RGS8: variants seen among roughly 807,000 people sequenced by gnomAD.
RGS8 encodes regulator of G protein signaling 8.
RGS8 carries 8 observed loss-of-function variants against 21.7 expected under a neutral mutation model. The ratio of observed to expected loss-of-function variants is 0.37; its 90% CI spans 0.22 to 0.66. The LOEUF is 0.66. Among genes scored for constraint, RGS8 ranks in the 30% least tolerant of loss-of-function variants. The pLI, the probability that RGS8 is intolerant of heterozygous loss-of-function variation, is 0.59. For synonymous variants in RGS8, 80 were observed against 83.6 expected (o/e 0.96, Z 0.24); for missense variants, 157 against 217.9 (o/e 0.72, Z 1.76).
intron 1 of RGS8, among the ~76,000 whole-genome samples, chr1:182,679,587 A>C (rs1463595661): frequency 6.6e-6 from 1 of 151,918 alleles, no homozygotes; most frequent in Non-Finnish European, 1.5e-5. Flanking sequence ...TCCTAACTAC[A>C]TTGGGTATAT....
rs375823599 is a variant in RGS8 at position 182,665,928 on chromosome 1, G to T, written c.193+41C>A. On this transcript the variant is annotated intron_variant, in intron 5 of 6. Transcript: ENST00000483095. ...CCTTTGGTACATCTCTCACTAAATA[G>T]ATGATTTGCCATGTCATGATACGAC... The T allele has an allele frequency of 6.4e-5, 99 of 1,545,818 alleles. No individual in the cohort carries two copies. The African/African-American group carries it at 9.9e-4, about 15-fold the overall frequency.
At chr1:182,738,423 C>A in the RGS8 span, among the ~76,000 whole-genome samples, 1 of 152,170 alleles carries the variant, frequency 6.6e-6, no homozygotes, top group Non-Finnish European at 1.5e-5. Flanking sequence ...ATATAATTTT[C>A]ATGTACCTCA....
chr1:182,696,892 A>G, the RGS8 span, among the ~76,000 whole-genome samples: 1 of 152,246 alleles, frequency 6.6e-6, no homozygotes, highest in Non-Finnish European at 1.5e-5. Flanking sequence ...TGGTTGGTCT[A>G]GAATGCTCTC....
chr1:182,695,492 TA>T, the RGS8 span, among the ~76,000 whole-genome samples: 2 of 151,556 alleles, frequency 1.3e-5, no homozygotes, highest in East Asian at 1.9e-4. Context: ...CGCAATCACT[TA>T]AAAAAAAATT....
At chr1:182,693,123 C>T in the RGS8 span, among the ~76,000 whole-genome samples, 6 of 152,142 alleles carry the variant, frequency 3.9e-5, no homozygotes, top group Non-Finnish European at 5.9e-5. Flanking sequence ...CAAAAATAGA[C>T]AAGTGAGGCC....
chr1:182,703,521 AG>A, the RGS8 span, among the ~76,000 whole-genome samples: 5 of 152,186 alleles, frequency 3.3e-5, no homozygotes, highest in African/African-American at 1.2e-4. Flanking sequence ...CCACAACTTC[AG>A]GGGTTTTGTG....
At chr1:182,696,308 A>C in the RGS8 span, among the ~76,000 whole-genome samples, 1 of 152,000 alleles carries the variant, frequency 6.6e-6, no homozygotes, top group African/African-American at 2.4e-5. Flanking sequence ...TAGCTTTTTT[A>C]TTTTTTATTT....
chr1:182,648,210 C>T, exon 6 of RGS8: 1 of 1,613,874 alleles, frequency 6.2e-7, no homozygotes, highest in Non-Finnish European at 8.5e-7. Context: ...TGCAGTTGAC[C>T]TGGTCTTCTT....
the RGS8 span, among the ~76,000 whole-genome samples, chr1:182,702,345 C>T: frequency 1.3e-5 from 2 of 151,984 alleles, no homozygotes; most frequent in East Asian, 3.9e-4. Flanking sequence ...TGGGTACTCA[C>T]GGAAATAAAG....
intron 1 of RGS8, among the ~76,000 whole-genome samples, chr1:182,681,217 T>C (rs1401871656): frequency 1.3e-5 from 2 of 152,136 alleles, no homozygotes; most frequent in Non-Finnish European, 2.9e-5. Flanking sequence ...CAGAGGGATG[T>C]AGTTTTCAAA....
At chr1:182,712,946 T>G in the RGS8 span, 1 of 152,128 alleles carries the variant, frequency 6.6e-6, no homozygotes, top group Non-Finnish European at 1.5e-5. Context: ...CTAAAGTATT[T>G]CACCTACCCA....
At chr1:182,696,270 T>A in the RGS8 span, among the ~76,000 whole-genome samples, 3 of 152,258 alleles carry the variant, frequency 2.0e-5, no homozygotes, top group African/African-American at 7.2e-5. Context: ...GTTTCTGAAC[T>A]GCTATTGCTC....
the RGS8 span, among the ~76,000 whole-genome samples, chr1:182,704,704 C>A: frequency 3.9e-5 from 6 of 152,292 alleles, no homozygotes; most frequent in East Asian, 9.6e-4. Flanking sequence ...GTGTGAATTG[C>A]AGACCCACCC....
At chr1:182,648,368 G>A in intron 5 of RGS8, 65 bp from the exon 7 acceptor site, 15 of 1,529,956 alleles carry the variant, frequency 9.8e-6, no homozygotes, top group Non-Finnish European at 1.2e-5. Flanking sequence ...AACTGTAGAA[G>A]AAAGAAAGGA....
intron 5 of RGS8, among the ~76,000 whole-genome samples, chr1:182,661,156 C>T (rs1331074400): frequency 6.6e-6 from 1 of 151,530 alleles, no homozygotes. Context: ...TATATCTCAA[C>T]CATTATCTCA....
At chr1:182,728,900 C>T in the RGS8 span, among the ~76,000 whole-genome samples, 1 of 152,150 alleles carries the variant, frequency 6.6e-6, no homozygotes, top group African/African-American at 2.4e-5. Context: ...GGGCTTAATA[C>T]CTAGGTAATG....
chr1:182,663,452 G>A (rs512189), intron 5 of RGS8, among the ~76,000 whole-genome samples: 14,761 of 152,190 alleles, frequency 0.097, 1,936 homozygotes, highest in African/African-American at 0.3. Flanking sequence ...TCAGACTCCA[G>A]GAAGGATCAC....
At chr1:182,724,201 GATATATATATATATATATATATATATAT>G in the RGS8 span, among the ~76,000 whole-genome samples, 298 of 42,130 alleles carry the variant, frequency 7.1e-3, 14 homozygotes, top group Admixed American at 0.02. Context: ...GGCTAGACTG[GATATATATATATATATATATATATATAT>G]ATATATATAT....
At chr1:182,649,826 C>G (rs1662909319) in intron 5 of RGS8, among the ~76,000 whole-genome samples, 1 of 151,862 alleles carries the variant, frequency 6.6e-6, no homozygotes, top group Non-Finnish European at 1.5e-5. Context: ...AAGAAGTGTT[C>G]TACTGGTTAT....
Sources: allele counts gnomAD v4.1 joint callset (sites outside exome capture counted in the v4.1 genomes callset), GRCh38; gene constraint gnomAD v4.1.1; transcripts MANE v1.5; gene names NCBI Gene and HGNC (gene_info 2026-07-23, HGNC 2026-07-21).